SCFD2: variants seen among roughly 807,000 people sequenced by gnomAD.
SCFD2 encodes sec1 family domain containing 2.
Under a neutral mutation model 58.9 loss-of-function variants are expected in SCFD2, and 54 were observed. That is an observed-to-expected ratio of 0.92 (90% confidence interval 0.74 to 1.15). The LOEUF is 1.15. SCFD2 is among the 50% of genes most tolerant of loss of function. The pLI is 0.00. For synonymous variants in SCFD2, 321 were observed against 335.9 expected (o/e 0.96, Z 0.49); for missense variants, 805 against 836.6 (o/e 0.96, Z 0.47).
rs529729559 is a variant in SCFD2 at position 53,045,834 on chromosome 4, T to A, written c.1561+99499A>T. 3.2e-4 allele frequency among the ~76,000 whole-genome samples: 49 copies of A among 152,300 alleles called. No individual in the cohort carries two copies. The South Asian group carries it at 7.7e-3, about 24-fold the overall frequency. ...TAAGATCCTGTCAACTAAGAAAAATTTTAACATGCCATAAAATGTTCTTCA... is the reference window on the plus strand; with the variant it reads ...TAAGATCCTGTCAACTAAGAAAAATATTAACATGCCATAAAATGTTCTTCA... On this transcript the variant is annotated intron_variant, in intron 5 of 8. Transcript: ENST00000401642.
chr4:53,040,940 T>C (rs1359552232), intron 5 of SCFD2, among the ~76,000 whole-genome samples: 3 of 152,174 alleles, frequency 2.0e-5, no homozygotes, highest in African/African-American at 7.2e-5. Flanking sequence ...AATAATTGCC[T>C]AGGTTTGAGA....
At chr4:52,881,591 T>G (rs1238178622) in intron 8 of SCFD2, among the ~76,000 whole-genome samples, 2 of 152,204 alleles carry the variant, frequency 1.3e-5, no homozygotes, top group East Asian at 3.8e-4. Context: ...TGCTGAATCA[T>G]TAGTTAATCC....
At chr4:53,175,778 T>A (rs76897725) in intron 4 of SCFD2, among the ~76,000 whole-genome samples, 2,777 of 152,208 alleles carry the variant, frequency 0.018, 91 homozygotes, top group African/African-American at 0.063. Context: ...ACCCTGGATA[T>A]ACCACTTAGG....
intron 5 of SCFD2, among the ~76,000 whole-genome samples, chr4:52,972,555 C>T (rs1721133287): frequency 1.3e-5 from 2 of 152,136 alleles, no homozygotes; most frequent in South Asian, 4.2e-4. Flanking sequence ...TAGACTCCCA[C>T]ACAATAATAG....
intron 4 of SCFD2, among the ~76,000 whole-genome samples, chr4:53,200,592 C>T (rs1728200150): frequency 6.6e-6 from 1 of 152,022 alleles, no homozygotes. Context: ...ACTGGGCTTC[C>T]TGTTTGAAAA....
chr4:53,191,461 C>A (rs571029295), intron 4 of SCFD2, among the ~76,000 whole-genome samples: 1 of 151,982 alleles, frequency 6.6e-6, no homozygotes, highest in East Asian at 1.9e-4. Flanking sequence ...GGCTGGAGTG[C>A]AGTGGCACGA....
chr4:53,059,413 A>C (rs922540399), intron 5 of SCFD2, among the ~76,000 whole-genome samples: 1 of 152,162 alleles, frequency 6.6e-6, no homozygotes, highest in Admixed American at 6.6e-5. Flanking sequence ...GCTCCATGTT[A>C]GAGATGAAGA....
At chr4:53,063,069 G>C (rs1052049385) in intron 5 of SCFD2, among the ~76,000 whole-genome samples, 1 of 151,844 alleles carries the variant, frequency 6.6e-6, no homozygotes, top group African/African-American at 2.4e-5. Flanking sequence ...TATAAATATA[G>C]GTTTATATTT....
chr4:53,221,891 G>A (rs1729056898), intron 4 of SCFD2, among the ~76,000 whole-genome samples: 1 of 152,188 alleles, frequency 6.6e-6, no homozygotes, highest in Non-Finnish European at 1.5e-5. Context: ...GCTACAAGAA[G>A]AGGCAACAGA....
At chr4:52,981,010 T>C (rs1245495413) in intron 5 of SCFD2, among the ~76,000 whole-genome samples, 5 of 152,066 alleles carry the variant, frequency 3.3e-5, no homozygotes, top group African/African-American at 2.4e-5. Context: ...TGGCATGGGG[T>C]TGGCTCAGTT....
chr4:53,024,366 G>A (rs1184219219), intron 5 of SCFD2, among the ~76,000 whole-genome samples: 2 of 152,176 alleles, frequency 1.3e-5, no homozygotes, highest in African/African-American at 4.8e-5. Context: ...GTTGAGAGAT[G>A]AGATTTAAAG....
At chr4:52,914,142 A>G (rs112508239) in intron 6 of SCFD2, among the ~76,000 whole-genome samples, 2,713 of 152,326 alleles carry the variant, frequency 0.018, 75 homozygotes, top group African/African-American at 0.061. Flanking sequence ...TGGAAACCTG[A>G]TAAAGGAAGA....
At chr4:53,226,435 T>C (rs1232677879) in intron 4 of SCFD2, among the ~76,000 whole-genome samples, 1 of 152,142 alleles carries the variant, frequency 6.6e-6, no homozygotes, top group African/African-American at 2.4e-5. Flanking sequence ...AGTATTATCA[T>C]ATGGGCTGAC....
At chr4:52,909,864 A>G (rs2109473959) in intron 6 of SCFD2, among the ~76,000 whole-genome samples, 1 of 152,256 alleles carries the variant, frequency 6.6e-6, no homozygotes, top group South Asian at 2.1e-4. Flanking sequence ...TTTAAATGTA[A>G]AAAAAGGGCC....
chr4:53,228,379 G>C (rs894996111), intron 4 of SCFD2, among the ~76,000 whole-genome samples: 3 of 152,122 alleles, frequency 2.0e-5, no homozygotes, highest in Non-Finnish European at 2.9e-5. Context: ...AGCAGCTATA[G>C]TCATCCTTCT....
intron 5 of SCFD2, among the ~76,000 whole-genome samples, chr4:53,042,596 A>C (rs577944306): frequency 6.6e-6 from 1 of 152,310 alleles, no homozygotes; most frequent in South Asian, 2.1e-4. Flanking sequence ...TTCTTGTGAC[A>C]CATCTGGAAA....
chr4:53,172,707 T>A (rs1727216027), intron 4 of SCFD2, among the ~76,000 whole-genome samples: 1 of 152,228 alleles, frequency 6.6e-6, no homozygotes. Flanking sequence ...AGAAAGATAC[T>A]TGATATAATT....
intron 4 of SCFD2, among the ~76,000 whole-genome samples, chr4:53,245,813 C>G (rs1730050805): frequency 6.6e-6 from 1 of 152,170 alleles, no homozygotes. Flanking sequence ...CCCTCTCTCA[C>G]AACTCCTATT....
rs528958848 is a variant in SCFD2 at position 53,216,579 on chromosome 4, G to A, written c.1311+57247C>T. Among the ~76,000 whole-genome samples the A allele has an allele frequency of 1.3e-4, 20 of 151,412 alleles. No individual in the cohort carries two copies. The South Asian group carries it at 3.8e-3, about 29-fold the overall frequency. Reference sequence around the variant, plus strand: ...TTGCTAGCTGTCTATCAATTTTGCTGATCTTTTCAAAAAACCAGCTCCTGG... The same window carrying A: ...TTGCTAGCTGTCTATCAATTTTGCTAATCTTTTCAAAAAACCAGCTCCTGG... On this transcript the variant is annotated intron_variant, in intron 4 of 8. Transcript: ENST00000401642.
Sources: gnomAD v4.1 joint callset for allele counts (sites outside exome capture counted in the v4.1 genomes callset) on GRCh38, gnomAD v4.1.1 for gene constraint, MANE v1.5 for transcripts, NCBI Gene and HGNC (gene_info 2026-07-23, HGNC 2026-07-21) for gene names.